The following DLGAP1 variants were observed in gnomAD, a reference collection of about 807,000 sequenced individuals.
DLGAP1 encodes disks large-associated protein 1.
Under a neutral mutation model 90.8 loss-of-function variants are expected in DLGAP1, and 11 were observed. That is an observed-to-expected ratio of 0.12 (90% confidence interval 0.08 to 0.20). The LOEUF (loss-of-function observed/expected upper bound fraction) is 0.20. Among genes scored for constraint, DLGAP1 ranks in the 10% least tolerant of loss-of-function variants. The probability of loss-of-function intolerance (pLI) is 1.00; values close to 1 mark genes in which losing one functional copy is unlikely to be tolerated. For synonymous variants in DLGAP1, 558 were observed against 540.7 expected, an observed-to-expected ratio of 1.03 and a Z score of -0.44; for missense variants, 1,050 against 1,333.8, an observed-to-expected ratio of 0.79 and a Z score of 3.31.
At chr18:4,448,912 C>T (rs139329189) in intron 1 of DLGAP1, among the ~76,000 whole-genome samples, 8 of 152,168 alleles carry the variant, frequency 5.3e-5, no homozygotes, top group Admixed American at 5.2e-4. Flanking sequence ...CTCTGCCTCC[C>T]ACAACACTTT....
chr18:3,547,881 G>A (rs2053151947), intron 9 of DLGAP1, among the ~76,000 whole-genome samples: 1 of 152,092 alleles, frequency 6.6e-6, no homozygotes, highest in Non-Finnish European at 1.5e-5. Flanking sequence ...ACAAAATGTG[G>A]TATATCTAGG....
chr18:3,943,981 C>T (rs2072825527), intron 3 of DLGAP1, among the ~76,000 whole-genome samples: 1 of 152,162 alleles, frequency 6.6e-6, no homozygotes, highest in Non-Finnish European at 1.5e-5. Context: ...TGATCTTGGA[C>T]TTCCAGCCTT....
chr18:4,310,590 T>C (rs576143), intron 1 of DLGAP1, among the ~76,000 whole-genome samples: 73,309 of 152,012 alleles, frequency 0.48, 21,376 homozygotes, highest in Non-Finnish European at 0.64. Context: ...TGCTTTATCA[T>C]AGTGTACAGG....
At chr18:4,405,638 C>T (rs2082646602) in intron 1 of DLGAP1, among the ~76,000 whole-genome samples, 1 of 151,992 alleles carries the variant, frequency 6.6e-6, no homozygotes, top group South Asian at 2.1e-4. Flanking sequence ...TGAAGATTGA[C>T]ATTTTACACT....
At chr18:4,009,570 C>T (rs1568349296) in intron 2 of DLGAP1, among the ~76,000 whole-genome samples, 1 of 152,200 alleles carries the variant, frequency 6.6e-6, no homozygotes, top group Non-Finnish European at 1.5e-5. Flanking sequence ...CTTAAAGTCT[C>T]CTGGAGGACA....
intron 1 of DLGAP1, among the ~76,000 whole-genome samples, chr18:4,313,373 A>G (rs77418246): frequency 0.024 from 3,620 of 152,284 alleles, 55 homozygotes; most frequent in East Asian, 0.043. Flanking sequence ...CCGTTGAGAA[A>G]TGGCTACCTG....
At chr18:4,246,874 A>G (rs1175607294) in intron 1 of DLGAP1, among the ~76,000 whole-genome samples, 11 of 151,654 alleles carry the variant, frequency 7.3e-5, no homozygotes, top group Middle Eastern at 3.4e-3. Context: ...TCAGAAAAAG[A>G]AAAGAAAAAG....
chr18:3,751,554 CA>C (rs1254037754), intron 5 of DLGAP1, among the ~76,000 whole-genome samples: 3 of 148,834 alleles, frequency 2.0e-5, no homozygotes, highest in Admixed American at 6.7e-5. Context: ...TGTGACCCGA[CA>C]AAATTTTTTT....
At chr18:4,120,617 A>T (rs1231964945) in intron 2 of DLGAP1, among the ~76,000 whole-genome samples, 1 of 152,234 alleles carries the variant, frequency 6.6e-6, no homozygotes, top group Non-Finnish European at 1.5e-5. Flanking sequence ...AATATGGCAG[A>T]GTAATTGCCC....
chr18:3,977,737 T>A, intron 3 of DLGAP1: 1 of 334,676 alleles, frequency 3.0e-6, no homozygotes, highest in South Asian at 2.8e-5. Context: ...GACAAAGTGG[T>A]TGTTGAGGGC....
intron 7 of DLGAP1, among the ~76,000 whole-genome samples, chr18:3,609,875 C>T (rs1217192109): frequency 1.1e-4 from 16 of 148,426 alleles, no homozygotes; most frequent in Non-Finnish European, 1.8e-4. Context: ...CTGGCCAACA[C>T]GGTGAAACCC....
intron 6 of DLGAP1, among the ~76,000 whole-genome samples, chr18:3,730,311 T>TA (rs763287332): frequency 6.6e-6 from 1 of 152,064 alleles, no homozygotes; most frequent in East Asian, 1.9e-4. Context: ...TAATGTATTT[T>TA]AAAAAAATTT....
At position 4,037,155 on chromosome 18, in the gene DLGAP1, C is replaced by A. The variant is rs547336056; in HGVS notation, c.-158-31954G>T. Among the ~76,000 whole-genome samples the A allele has an allele frequency of 4.6e-5, 7 of 152,238 alleles. No individual in the cohort carries two copies. In the East Asian group the frequency reaches 1.3e-3, roughly 29 times the overall value. On this transcript the variant is annotated intron_variant, in intron 2 of 12. Coordinates refer to ENST00000315677, the MANE Select transcript of DLGAP1 (RefSeq NM_004746.4). ...GAAGAGAGTTGAGAAACAGTAGCAA[C>A]GTGTCAGTTAGGAAATATACTGTCA...
At chr18:3,813,883 C>T (rs922051654) in intron 5 of DLGAP1, among the ~76,000 whole-genome samples, 176 bp downstream of exon 5, 3 of 152,034 alleles carry the variant, frequency 2.0e-5, no homozygotes, top group African/African-American at 7.2e-5. Context: ...CATCTGTTGC[C>T]TCTCTCTACA....
chr18:4,304,796 T>G (rs1375000852), intron 1 of DLGAP1, among the ~76,000 whole-genome samples: 4 of 152,068 alleles, frequency 2.6e-5, no homozygotes, highest in African/African-American at 9.7e-5. Context: ...CTGGGCGCGG[T>G]GGCGGGCACC....
At chr18:4,064,611 A>T (rs893521333) in intron 2 of DLGAP1, among the ~76,000 whole-genome samples, 2 of 151,994 alleles carry the variant, frequency 1.3e-5, no homozygotes, top group Non-Finnish European at 2.9e-5. Flanking sequence ...GGATAAATTC[A>T]TGGACACAGA....
At chr18:4,236,345 T>C (rs2078414207) in intron 1 of DLGAP1, among the ~76,000 whole-genome samples, 2 of 152,210 alleles carry the variant, frequency 1.3e-5, no homozygotes, top group Admixed American at 1.3e-4. Flanking sequence ...TTCCTTTCGC[T>C]GGGTCTTCAT....
intron 10 of DLGAP1, among the ~76,000 whole-genome samples, chr18:3,516,722 C>T (rs541988559): frequency 3.3e-5 from 5 of 152,186 alleles, no homozygotes; most frequent in East Asian, 1.9e-4. Context: ...GATAGACAAG[C>T]GAAAGGGGAA....
intron 7 of DLGAP1, among the ~76,000 whole-genome samples, chr18:3,692,859 G>C (rs368790657): frequency 6.6e-6 from 1 of 152,180 alleles, no homozygotes; most frequent in East Asian, 1.9e-4. Context: ...TAGCAAATGA[G>C]GTGGGCCTGA....
Sources: gnomAD v4.1 joint callset for allele counts (sites outside exome capture counted in the v4.1 genomes callset) on GRCh38, gnomAD v4.1.1 for gene constraint, MANE v1.5 for transcripts, NCBI Gene and HGNC (gene_info 2026-07-23, HGNC 2026-07-21) for gene names.